MBOAT4: variants seen among roughly 807,000 people sequenced by gnomAD.
MBOAT4 encodes the protein membrane bound ghrelin O-acyltransferase MBOAT4.
Under a neutral mutation model 13.2 loss-of-function variants are expected in MBOAT4, and 11 were observed. That is an observed-to-expected ratio of 0.84 (90% confidence interval 0.53 to 1.38). MBOAT4 has a LOEUF of 1.38. Among genes scored for constraint, MBOAT4 ranks in the 40% most tolerant of loss-of-function variants. MBOAT4 has a pLI of 0.00. For synonymous variants in MBOAT4, 202 were observed against 210.3 expected, an observed-to-expected ratio of 0.96 and a Z score of 0.34; for missense variants, 481 against 527.2, an observed-to-expected ratio of 0.91 and a Z score of 0.86.
intron 2 of MBOAT4, chr8:30,137,700 T>C (rs1803179357): frequency 1.7e-6 from 1 of 580,420 alleles, no homozygotes; most frequent in Non-Finnish European, 3.1e-6. Context: ...CCGGGACTCA[T>C]TTTGGGAGGA....
At chr8:30,142,155 T>C (rs534261371) in intron 1 of MBOAT4, among the ~76,000 whole-genome samples, 1 of 152,342 alleles carries the variant, frequency 6.6e-6, no homozygotes, top group African/African-American at 2.4e-5. Flanking sequence ...CATATTTCAT[T>C]CTAGGCATAG....
At chr8:30,133,140 C>T (rs554536311) in intron 2 of MBOAT4, among the ~76,000 whole-genome samples, 1 of 152,236 alleles carries the variant, frequency 6.6e-6, no homozygotes, top group Admixed American at 6.5e-5. Context: ...TGATCTGAAA[C>T]TCCTGGGCTT....
chr8:30,141,122 T>C (rs1803254231), intron 1 of MBOAT4, among the ~76,000 whole-genome samples: 1 of 152,180 alleles, frequency 6.6e-6, no homozygotes, highest in Admixed American at 6.5e-5. Context: ...ATTACAGGCA[T>C]GAGCCAGGGT....
Position 30,132,802 on chromosome 8 carries a change from C to A in MBOAT4, c.449G>T (p.Arg150Met). Residue 150 changes from arginine to methionine, a missense_variant, in exon 3 of 3, where the codon AGG (arginine) becomes ATG (methionine). Arg to Met is a moderately conservative substitution (Grantham distance 91). Transcript: ENST00000320542. ...ATGCTCAGACAAAGAGCTCCTGCTC[C>A]TGAAGCCTCCAGATGCTGCCTTCAC... is the stretch of plus-strand genomic sequence containing the variant. ...GKVKAASGGF[R>M]SRSSLSEHVC... 1.3e-6 allele frequency: 2 copies of A among 1,551,750 alleles called. No homozygotes were observed. The highest frequency in any genetic ancestry group is 2.4e-5 in the South Asian group (2 of 84,062).
At chr8:30,138,863 C>A (rs1019601540) in intron 1 of MBOAT4, 107 bp from the exon 2 acceptor site, 3 of 756,208 alleles carry the variant, frequency 4.0e-6, no homozygotes, top group Admixed American at 2.5e-5. Flanking sequence ...CCACACAACA[C>A]CTAAAGTAGC....
intron 2 of MBOAT4, among the ~76,000 whole-genome samples, chr8:30,136,725 C>T (rs866016340): frequency 6.8e-6 from 1 of 147,886 alleles, no homozygotes; most frequent in East Asian, 2.0e-4. Flanking sequence ...GTCTCTCCCC[C>T]CGAACTTTTT....
chr8:30,140,209 G>T (rs1461456852), intron 1 of MBOAT4, among the ~76,000 whole-genome samples: 1 of 152,070 alleles, frequency 6.6e-6, no homozygotes, highest in Non-Finnish European at 1.5e-5. Flanking sequence ...GCTAATTTTT[G>T]TATTTTTAGT....
chr8:30,133,156 A>G (rs938178558), intron 2 of MBOAT4, among the ~76,000 whole-genome samples: 10 of 152,152 alleles, frequency 6.6e-5, no homozygotes, highest in South Asian at 2.1e-4. Flanking sequence ...GGCTTAAGCA[A>G]TCTGCCTGTC....
rs145325949 is a variant in MBOAT4, at chr8:30,132,226, G to A, written c.1025C>T (p.Pro342Leu). 1 of 1,551,850 alleles carries A rather than the reference G, an allele frequency of 6.4e-7. No individual in the cohort carries two copies. The highest frequency in any genetic ancestry group is 8.7e-7 in the Non-Finnish European group (1 of 1,147,026). ...AFSAWWHGLH[P>L]GQVFGFVCWA... ...GCAAACGAAACCAAACACCTGTCCTGGATGGAGTCCATGCCACCAGGCAGA... is the reference window on the plus strand; with the variant it reads ...GCAAACGAAACCAAACACCTGTCCTAGATGGAGTCCATGCCACCAGGCAGA... Residue 342 changes from proline (P) to leucine (L), a missense_variant, in exon 3 of 3, where the codon CCA (proline) becomes CTA (leucine). Coordinates refer to ENST00000320542, the MANE Select transcript of MBOAT4 (RefSeq NM_001100916.2).
At chr8:30,137,564 C>A in intron 2 of MBOAT4, 1 of 1,156,046 alleles carries the variant, frequency 8.7e-7, no homozygotes, top group Non-Finnish European at 1.2e-6. Flanking sequence ...GATGATTAGT[C>A]ACAAAATCAC....
At position 30,132,772 on chromosome 8, in the gene MBOAT4, C is replaced by T. The variant is rs142363651; in HGVS notation, c.479G>A (p.Cys160Tyr). The change falls in exon 3 of 3, where the codon TGT (cysteine) becomes TAT (tyrosine). Residue 160 changes from cysteine to tyrosine, a missense_variant. By Grantham distance (194) the Cys-to-Tyr change is radical (BLOSUM62 -2). Transcript: ENST00000320542. The stretch of plus-strand genomic sequence containing the variant: ...GTAGCTGAAATAGGGCAGTGCCTTA[C>T]ACACATGCTCAGACAAAGAGCTCCT... The part of the protein sequence containing the change: ...RSRSSLSEHV[C>Y]KALPYFSYLL... 1 of 1,551,746 alleles carries T rather than the reference C, an allele frequency of 6.4e-7. No individual in the cohort carries two copies. The highest frequency in any genetic ancestry group is 8.7e-7 in the Non-Finnish European group (1 of 1,147,002).
chr8:30,138,581 G>T lies in MBOAT4; in HGVS notation c.295C>A (p.Leu99Ile). The T allele has an allele frequency of 6.4e-7, 1 of 1,551,636 alleles. No individual in the cohort carries two copies. The highest frequency in any genetic ancestry group is 8.7e-7 in the Non-Finnish European group (1 of 1,146,992). The change falls in exon 2 of 3, where the codon CTA becomes ATA. Residue 99 changes from leucine (L) to isoleucine (I), a missense_variant. By Grantham distance (5) the Leu-to-Ile change is conservative. Coordinates refer to ENST00000320542, the MANE Select transcript of MBOAT4 (RefSeq NM_001100916.2). ...FQMSWQTLCH[L>I]GLHYTEYYLH... ...TAATACTCAGTGTAGTGCAGACCTA[G>T]GTGACACAAGGTCTGCCAGCTCATC... is the stretch of plus-strand genomic sequence containing the variant.
At position 30,143,115 on chromosome 8, in the gene MBOAT4, C is replaced by A. The variant is rs1803288876; in HGVS notation, c.119+1368G>T. Among the ~76,000 whole-genome samples the A allele has an allele frequency of 2.6e-5, 4 of 152,252 alleles. No individual in the cohort carries two copies. In the South Asian group the frequency reaches 8.3e-4, roughly 32 times the overall value. The stretch of plus-strand genomic sequence containing the variant: ...TCATACCCCAACCCTCAGCATCATA[C>A]AATATACCCACGTAACAAACCTACA... On this transcript the variant is annotated intron_variant, in intron 1 of 2. Transcript: ENST00000320542.
At chr8:30,142,395 G>A (rs1271855070) in intron 1 of MBOAT4, among the ~76,000 whole-genome samples, 3 of 152,050 alleles carry the variant, frequency 2.0e-5, no homozygotes, top group Non-Finnish European at 2.9e-5. Flanking sequence ...TCTCCCTGCT[G>A]CCCAGGCTGG....
At position 30,131,723 on chromosome 8, in the gene MBOAT4, G is replaced by A; in HGVS notation, c.*220C>T. The A allele has an allele frequency of 2.1e-6, 1 of 478,768 alleles. No individual in the cohort carries two copies. The highest frequency in any genetic ancestry group is 3.7e-6 in the Non-Finnish European group (1 of 272,780). 29.7% of individuals were successfully genotyped at this position (478,768 alleles called of 1,614,324 possible). A position where few individuals can be genotyped will look rare whatever the true frequency, so the allele number is the denominator to read the frequency against. On this transcript the variant is annotated 3_prime_UTR_variant, in exon 3 of 3. Coordinates refer to ENST00000320542, the MANE Select transcript of MBOAT4 (RefSeq NM_001100916.2). The stretch of plus-strand genomic sequence containing the variant: ...CACATCTAGACTGTAAACCTTAAGG[G>A]AAGAAACCACATCTTTTTCCTTTTT...
At chr8:30,137,134 C>A in intron 2 of MBOAT4, 1 of 701,396 alleles carries the variant, frequency 1.4e-6, no homozygotes, top group South Asian at 1.8e-5. Flanking sequence ...ACCCTGAAGC[C>A]AATTGTGATC....
At chr8:30,137,862 G>T in intron 2 of MBOAT4, 1 of 267,394 alleles carries the variant, frequency 3.7e-6, no homozygotes, top group South Asian at 4.3e-5. Context: ...TGCAGCTGGA[G>T]ATGACAAGAT....
At chr8:30,143,083 G>T (rs1803288085) in intron 1 of MBOAT4, among the ~76,000 whole-genome samples, 1 of 151,968 alleles carries the variant, frequency 6.6e-6, no homozygotes, top group South Asian at 2.1e-4. Context: ...CTGGGTGATG[G>T]GATCAATCAT....
In MBOAT4 at chr8:30,132,708, G is replaced by A. The variant is rs1261418270; in HGVS notation, c.543C>T (p.Cys181=). The change falls in exon 3 of 3, where the codon TGC becomes TGT. Residue 181 remains cysteine (C), a synonymous_variant. Transcript: ENST00000320542. ...CACGAGCCTGAAATCGCTGGAAGGA[G>A]CACAGAGAGCCTCCCAGGAGAGCAG... ...FFPALLGGSL[C]SFQRFQARVQ... is the part of the protein sequence containing the mutation. 1 of 1,551,770 alleles carries A rather than the reference G, an allele frequency of 6.4e-7. No homozygotes were observed. Among genetic ancestry groups the A allele is most frequent in the Admixed American group, 2.0e-5 (1 of 50,998 alleles).
Sources: gnomAD v4.1 joint callset for allele counts (sites outside exome capture counted in the v4.1 genomes callset) on GRCh38, gnomAD v4.1.1 for gene constraint, MANE v1.5 for transcripts, NCBI Gene and HGNC (gene_info 2026-07-23, HGNC 2026-07-21) for gene names.